Variants in PHGR1 observed in about 807,000 individuals in gnomAD.
PHGR1 encodes proline, histidine and glycine rich 1, also known as proline, histidine and glycine-rich protein 1.
A neutral mutation model predicts 4.9 loss-of-function variants in PHGR1; 3 were observed. The observed-to-expected ratio is 0.61, with a 90% CI of 0.28 to 1.58. The LOEUF is 1.58. Among genes scored for constraint, PHGR1 ranks in the 40% most tolerant of loss-of-function variants. The pLI is 0.11. For missense variants in PHGR1, 81 were observed against 118.7 expected, an observed-to-expected ratio of 0.68 and a Z score of 1.48; for synonymous variants, 32 against 46.1, an observed-to-expected ratio of 0.69 and a Z score of 1.24.
intron 3 of PHGR1, among the ~76,000 whole-genome samples, chr15:40,355,288 G>C (rs1889275018): frequency 6.6e-6 from 1 of 151,992 alleles, no homozygotes; most frequent in Non-Finnish European, 1.5e-5. Flanking sequence ...GAAAAGCTTT[G>C]ATTTTACTTT....
intron 2 of PHGR1, 121 bp from the exon 3 acceptor site, chr15:40,354,224 G>A: frequency 1.0e-6 from 1 of 1,001,302 alleles, no homozygotes; most frequent in African/African-American, 1.6e-5. Flanking sequence ...ATGTCTGAGA[G>A]GCCCTGTTGG....
rs1004721362 is a variant in PHGR1 at position 40,356,045 on chromosome 15, C to G, written c.19-28C>G. On this transcript the variant is annotated intron_variant, in intron 3 of 3. Transcript: ENST00000448599. ...GTAAGCTTAGCCCTGACCTCTGACT[C>G]TGACATTGTTCATTTGACTTTCCAC... 5.2e-6 allele frequency: 8 copies of G among 1,546,344 alleles called. No individual in the cohort carries two copies. The African/African-American group carries it at 9.6e-5, about 19-fold the overall frequency.
At position 40,353,135 on chromosome 15, in the gene PHGR1, GT is replaced by G. The variant is rs1372651789; in HGVS notation, c.-26-96del. ...GGTGTGTGTGTGTGTGTGTGTGTGT[GT>G]GTGTGTGTGTGCGCGCGCGCGCGCA... is the stretch of plus-strand genomic sequence containing the variant. On this transcript the variant is annotated intron_variant, in intron 1 of 3. Transcript: ENST00000448599. The G allele has an allele frequency of 5.7e-4, 532 of 925,378 alleles. 1 individual carries two copies. Among genetic ancestry groups the G allele is most frequent in the Non-Finnish European group, 5.7e-4 (339 of 599,914 alleles). The allele number at this position is 925,378 out of a possible 1,614,324, so 57.3% of individuals were successfully genotyped here.
chr15:40,353,110 G>GGTGT lies in PHGR1; in HGVS notation c.-26-88_-26-85dup, dbSNP rs57886573. 8.9e-3 allele frequency: 5,029 copies of GGTGT among 564,644 alleles called. 63 individuals carry two copies. Among genetic ancestry groups the GGTGT allele is most frequent in the African/African-American group, 0.05 (2,418 of 48,460 alleles). 35.0% of individuals were successfully genotyped at this position (564,644 alleles called of 1,614,324 possible). On this transcript the variant is annotated intron_variant, in intron 1 of 3. Transcript: ENST00000448599. The stretch of plus-strand genomic sequence containing the variant: ...GTTTTTTCCCTTTCTTCCTTTGAAG[G>GGTGT]GTGTGTGTGTGTGTGTGTGTGTGTG...
chr15:40,354,296 G>T (rs1274917025), intron 2 of PHGR1, 49 bp from the exon 3 acceptor site: 84 of 1,527,252 alleles, frequency 5.5e-5, no homozygotes, highest in Non-Finnish European at 7.0e-5. Flanking sequence ...TTTTACTGCA[G>T]AACCAAATGA....
chr15:40,352,877 A>G (rs755462506), intron 1 of PHGR1, among the ~76,000 whole-genome samples: 4 of 152,192 alleles, frequency 2.6e-5, no homozygotes, highest in Non-Finnish European at 4.4e-5. Context: ...ACGGATATTG[A>G]AATCTTCCCA....
intron 1 of PHGR1, among the ~76,000 whole-genome samples, chr15:40,351,608 G>A (rs1379448608): frequency 6.6e-6 from 1 of 152,208 alleles, no homozygotes; most frequent in African/African-American, 2.4e-5. Context: ...GTAGAGGCCA[G>A]TGAAAATGGG....
chr15:40,355,674 C>G (rs1392407983), intron 3 of PHGR1, among the ~76,000 whole-genome samples: 1 of 152,182 alleles, frequency 6.6e-6, no homozygotes, highest in Non-Finnish European at 1.5e-5. Flanking sequence ...CCTCTAGCCT[C>G]ACCCTTGCTC....
chr15:40,356,092 G>A lies in PHGR1; in HGVS notation c.38G>A (p.Gly13Glu). 1 of 1,548,894 alleles carries A rather than the reference G, an allele frequency of 6.5e-7. No individual in the cohort carries two copies. Among genetic ancestry groups the A allele is most frequent in the Non-Finnish European group, 8.7e-7 (1 of 1,146,692 alleles). ...PGPKGHCHCGGHGHPPGHCGP... is the reference protein window; with the variant it reads ...PGPKGHCHCGEHGHPPGHCGP... ...CCACAGGGGCACTGCCACTGTGGGG[G>A]GCATGGCCATCCTCCAGGTCACTGC... The change falls in exon 4 of 4, where the codon GGG becomes GAG. Residue 13 changes from glycine (G) to glutamate (E), a missense_variant. Gly to Glu is a moderately conservative substitution (Grantham distance 98). Coordinates refer to ENST00000448599, the MANE Select transcript of PHGR1 (RefSeq NM_001145643.2).
chr15:40,355,765 A>G (rs182194292), intron 3 of PHGR1, among the ~76,000 whole-genome samples: 9 of 152,330 alleles, frequency 5.9e-5, no homozygotes, highest in African/African-American at 2.2e-4. Context: ...GAGAAAGGAG[A>G]AGATGAAATA....
At chr15:40,353,691 G>T (rs1889244847) in intron 2 of PHGR1, 1 of 215,962 alleles carries the variant, frequency 4.6e-6, no homozygotes, top group African/African-American at 2.3e-5. Flanking sequence ...CACACCAATG[G>T]GGCACTTCAG....
intron 1 of PHGR1, among the ~76,000 whole-genome samples, chr15:40,352,934 G>T (rs80241215): frequency 1.3e-5 from 2 of 152,300 alleles, no homozygotes; most frequent in South Asian, 4.1e-4. Flanking sequence ...GGGGGCAAGT[G>T]TAAGAGTATG....
In PHGR1 at chr15:40,353,930, C is replaced by T. The variant is rs114655825; in HGVS notation, c.11-415C>T. 6.7e-3 allele frequency among the ~76,000 whole-genome samples: 981 copies of T among 145,566 alleles called. 11 individuals carry two copies. The highest frequency in any genetic ancestry group is 0.025 in the African/African-American group (919 of 37,414). ...GCTGAGCAGAGATTGGGCCGAGATA[C>T]GTGGGGCGTGACAGGGGCAGAGGAC... On this transcript the variant is annotated intron_variant, in intron 2 of 3. Transcript: ENST00000448599.
chr15:40,353,146 T>TGTGTGTTTGTGC (rs56132408), intron 1 of PHGR1, 86 bp from the exon 2 acceptor site: 2 of 725,886 alleles, frequency 2.8e-6, no homozygotes, highest in Non-Finnish European at 4.3e-6. Flanking sequence ...TGTGTGTGTG[T>TGTGTGTTTGTGC]GCGCGCGCGC....
intron 2 of PHGR1, among the ~76,000 whole-genome samples, 199 bp from the exon 3 acceptor site, chr15:40,354,146 T>C (rs1032398975): frequency 6.6e-6 from 1 of 152,182 alleles, no homozygotes; most frequent in Non-Finnish European, 1.5e-5. Flanking sequence ...TGCTGAACCT[T>C]ATATTGACTT....
rs1443160983 is a variant in PHGR1, at chr15:40,356,276, T to A, written c.222T>A (p.Gly74=). 1 of 1,542,622 alleles carries A rather than the reference T, an allele frequency of 6.5e-7. No homozygotes were observed. Among genetic ancestry groups the A allele is most frequent in the Admixed American group, 2.0e-5 (1 of 50,540 alleles). ...GGCCTCCCCCTGGCCATGGCCCAGG[T>A]CACCCACCCCCTGGTCCACATCACT... The part of the protein sequence containing the change: ...PCGPPPGHGP[G]HPPPGPHH The change falls in exon 4 of 4, where the codon GGT becomes GGA. Residue 74 remains glycine (G), a synonymous_variant. Coordinates refer to ENST00000448599, the MANE Select transcript of PHGR1 (RefSeq NM_001145643.2).
At chr15:40,353,939 T>C (rs1158205284) in intron 2 of PHGR1, among the ~76,000 whole-genome samples, 1 of 144,896 alleles carries the variant, frequency 6.9e-6, no homozygotes, top group African/African-American at 2.7e-5. Flanking sequence ...ACGTGGGGCG[T>C]GACAGGGGCA....
chr15:40,353,392 A>G, intron 2 of PHGR1, 125 bp downstream of exon 2: 1 of 1,252,264 alleles, frequency 8.0e-7, no homozygotes, highest in Non-Finnish European at 1.1e-6. Flanking sequence ...GTGTGTTTGT[A>G]TGAAGGCAGT....
intron 1 of PHGR1, among the ~76,000 whole-genome samples, chr15:40,352,905 A>C (rs905269448): frequency 2.0e-5 from 3 of 152,180 alleles, no homozygotes; most frequent in African/African-American, 7.2e-5. Context: ...TCGGATTAAC[A>C]CACAATTGTT....
Sources: gnomAD v4.1 joint callset for allele counts (sites outside exome capture counted in the v4.1 genomes callset) on GRCh38, gnomAD v4.1.1 for gene constraint, MANE v1.5 for transcripts, NCBI Gene and HGNC (gene_info 2026-07-23, HGNC 2026-07-21) for gene names.